GFRA2: variants seen among roughly 807,000 people sequenced by gnomAD.
GFRA2 encodes GDNF family receptor alpha-2.
GFRA2 carries 17 observed loss-of-function variants against 48.3 expected under a neutral mutation model. The observed-to-expected ratio is 0.35, with a 90% CI of 0.24 to 0.53. The LOEUF (loss-of-function observed/expected upper bound fraction) is 0.53, where lower values mean the gene tolerates loss of function less well. Ranked by LOEUF, GFRA2 falls within the 20% of genes least tolerant of loss-of-function variation. GFRA2 has a pLI of 0.93. For missense variants in GFRA2, 660 were observed against 637.3 expected (o/e 1.04, Z -0.38); for synonymous variants, 305 against 257.2 (o/e 1.19, Z -1.78).
intron 4 of GFRA2, among the ~76,000 whole-genome samples, chr8:21,714,235 G>A (rs1803215192): frequency 7.6e-6 from 1 of 132,324 alleles, no homozygotes; most frequent in Non-Finnish European, 1.6e-5. Context: ...AATACATACT[G>A]GTCTGAAGTT....
In GFRA2 at chr8:21,730,251, G is replaced by A. The variant is rs148501213; in HGVS notation, c.794+20337C>T. Among the ~76,000 whole-genome samples the A allele has an allele frequency of 9.3e-3, 1,421 of 152,102 alleles. 21 individuals carry two copies. Among genetic ancestry groups the A allele is most frequent in the African/African-American group, 0.033 (1,371 of 41,476 alleles). Reference sequence around the variant, plus strand: ...AAAACCCCATCTCTACTAAAAATACGAAATAAGCCAGGCATGGTGGTGCAT... The same window carrying A: ...AAAACCCCATCTCTACTAAAAATACAAAATAAGCCAGGCATGGTGGTGCAT... On this transcript the variant is annotated intron_variant, in intron 4 of 8. Transcript: ENST00000524240.
intron 4 of GFRA2, among the ~76,000 whole-genome samples, chr8:21,733,588 G>A (rs1804304510): frequency 6.6e-6 from 1 of 152,156 alleles, no homozygotes. Flanking sequence ...GTTATCCCAG[G>A]CCGAATAGGA....
chr8:21,807,854 T>A (rs2117121493), intron 1 of GFRA2, among the ~76,000 whole-genome samples: 1 of 152,378 alleles, frequency 6.6e-6, no homozygotes, highest in Admixed American at 6.5e-5. Flanking sequence ...ATGGACATCA[T>A]AACGCCTCTT....
chr8:21,776,805 C>T (rs1806729554), intron 2 of GFRA2, among the ~76,000 whole-genome samples: 1 of 152,052 alleles, frequency 6.6e-6, no homozygotes, highest in African/African-American at 2.4e-5. Flanking sequence ...TCTGATCCCA[C>T]CTTCTCCTTG....
intron 2 of GFRA2, among the ~76,000 whole-genome samples, chr8:21,782,196 A>G (rs1807025598): frequency 6.6e-6 from 1 of 151,284 alleles, no homozygotes; most frequent in Non-Finnish European, 1.5e-5. Context: ...CTGCCTGGTC[A>G]CTCTTGCCTC....
chr8:21,782,470 G>A (rs1332475305), intron 2 of GFRA2, 115 bp downstream of exon 2: 2 of 755,398 alleles, frequency 2.6e-6, no homozygotes, highest in African/African-American at 1.7e-5. Context: ...TAGACATAGA[G>A]AGCTGGCCAG....
chr8:21,767,918 C>T (rs1396932438), intron 3 of GFRA2, among the ~76,000 whole-genome samples: 1 of 152,158 alleles, frequency 6.6e-6, no homozygotes, highest in African/African-American at 2.4e-5. Context: ...CCAGCAAATC[C>T]TTCTACCGAC....
intron 3 of GFRA2, among the ~76,000 whole-genome samples, chr8:21,757,479 T>C (rs930545134): frequency 3.3e-5 from 5 of 151,498 alleles, no homozygotes; most frequent in African/African-American, 1.2e-4. Context: ...TAATGTTTAA[T>C]TGATTTTTTC....
At chr8:21,805,362 G>A (rs982972657) in intron 1 of GFRA2, among the ~76,000 whole-genome samples, 2 of 152,270 alleles carry the variant, frequency 1.3e-5, no homozygotes, top group Middle Eastern at 3.4e-3. Flanking sequence ...GAGAGCAGGG[G>A]ACATATTACA....
rs796855313 is a variant in GFRA2 at position 21,784,599 on chromosome 8, G to A, written c.41-1700C>T. Among the ~76,000 whole-genome samples, 619 of 152,236 alleles carry A rather than the reference G, an allele frequency of 4.1e-3. 1 individual carries two copies. Among genetic ancestry groups the A allele is most frequent in the African/African-American group, 0.014 (578 of 41,540 alleles). ...AGAGAACAGGAATCCATCCACTCCC[G>A]GTGGGACCAGCCAGGAGACCCATCC... On this transcript the variant is annotated intron_variant, in intron 1 of 8. Coordinates refer to ENST00000524240, the MANE Select transcript of GFRA2 (RefSeq NM_001495.5).
chr8:21,707,443 G>C (rs1019774709), intron 4 of GFRA2, among the ~76,000 whole-genome samples: 1 of 152,202 alleles, frequency 6.6e-6, no homozygotes, highest in African/African-American at 2.4e-5. Context: ...GCTGGTGCCT[G>C]CTGAGGGGGC....
intron 4 of GFRA2, among the ~76,000 whole-genome samples, chr8:21,738,841 A>G (rs1359455637): frequency 6.6e-6 from 1 of 152,066 alleles, no homozygotes. Context: ...TCTGCGGTTC[A>G]CTCCAGCATC....
intron 4 of GFRA2, among the ~76,000 whole-genome samples, 197 bp from the exon 5 acceptor site, chr8:21,706,238 T>TGGA (rs1197055875): frequency 1.3e-5 from 2 of 152,128 alleles, no homozygotes; most frequent in African/African-American, 4.8e-5. Flanking sequence ...GACAGAGACT[T>TGGA]CCCGGAGAGA....
chr8:21,774,294 C>T (rs954529536), intron 3 of GFRA2, among the ~76,000 whole-genome samples: 29 of 152,130 alleles, frequency 1.9e-4, no homozygotes, highest in African/African-American at 7.0e-4. Context: ...CTGGTGCCTA[C>T]ATGTGGAGCC....
chr8:21,744,543 C>G (rs902322913), intron 4 of GFRA2, among the ~76,000 whole-genome samples: 3 of 107,842 alleles, frequency 2.8e-5, no homozygotes, highest in Non-Finnish European at 5.0e-5. Context: ...ACCCCCCAAC[C>G]ACCACCAACA....
chr8:21,740,598 C>G lies in GFRA2; in HGVS notation c.794+9990G>C, dbSNP rs190339752. ...AGCATCCAGCACTACTGGGCACTGA[C>G]AGGGTGCCAGGCAGGTTCCCAGTGC... On this transcript the variant is annotated intron_variant, in intron 4 of 8. Transcript: ENST00000524240. Among the ~76,000 whole-genome samples the G allele has an allele frequency of 2.0e-5, 3 of 152,226 alleles. No individual in the cohort carries two copies. In the South Asian group the frequency reaches 6.2e-4, roughly 32 times the overall value.
intron 1 of GFRA2, among the ~76,000 whole-genome samples, chr8:21,785,689 C>A (rs1238262700): frequency 6.6e-6 from 1 of 152,172 alleles, no homozygotes; most frequent in African/African-American, 2.4e-5. Context: ...CAGCCCAACA[C>A]CCCCACCCGA....
chr8:21,782,301 C>G (rs1807031898), intron 2 of GFRA2, among the ~76,000 whole-genome samples: 2 of 148,130 alleles, frequency 1.4e-5, no homozygotes, highest in Admixed American at 6.8e-5. Flanking sequence ...CCACTCACCC[C>G]CCTTCCTCCA....
chr8:21,765,772 T>A (rs1441668782), intron 3 of GFRA2, among the ~76,000 whole-genome samples: 1 of 123,742 alleles, frequency 8.1e-6, no homozygotes, highest in East Asian at 2.2e-4. Flanking sequence ...AACTTCCCAA[T>A]CTGTTCCTCC....
Sources: gnomAD v4.1 joint callset for allele counts (sites outside exome capture counted in the v4.1 genomes callset) on GRCh38, gnomAD v4.1.1 for gene constraint, MANE v1.5 for transcripts, NCBI Gene and HGNC (gene_info 2026-07-23, HGNC 2026-07-21) for gene names.